Variants in CLPTM1 observed in about 807,000 individuals in gnomAD.
CLPTM1 encodes the protein putative lipid scramblase CLPTM1.
In CLPTM1, 21 loss-of-function variants were observed where a neutral mutation model predicts 77.3. The ratio of observed to expected loss-of-function variants is 0.27; its 90% CI spans 0.19 to 0.39. The LOEUF (loss-of-function observed/expected upper bound fraction) is 0.39, where lower values mean the gene tolerates loss of function less well. CLPTM1 is among the 10% of genes least tolerant of loss of function. The pLI, the probability that CLPTM1 is intolerant of heterozygous loss-of-function variation, is 1.00. For missense variants in CLPTM1, 642 were observed against 921.2 expected (o/e 0.70, Z 3.92); for synonymous variants, 373 against 381.0 (o/e 0.98, Z 0.24).
intron 5 of CLPTM1, chr19:44,984,664 T>C (rs1317809024): frequency 6.5e-6 from 1 of 153,464 alleles, no homozygotes; most frequent in Non-Finnish European, 1.4e-5. Context: ...ATCAGTCACT[T>C]GTTTTTATTT....
In CLPTM1 at chr19:44,992,410, G is replaced by A. The variant is rs2075618; in HGVS notation, c.1723+10G>A. On this transcript the variant is annotated intron_variant, in intron 13 of 13. Coordinates refer to ENST00000337392, the MANE Select transcript of CLPTM1 (RefSeq NM_001294.4). This position sits in a 1 kb window ranked among gnomAD's most constrained non-coding sequence, Gnocchi z 7.7. ...GGCTGCCTGCGGGACGGTGAGGCCC[G>A]GTGGGCAGGTGGGAGCTCCCACCGG... 11 of 1,613,596 alleles carry A rather than the reference G, an allele frequency of 6.8e-6. No individual in the cohort carries two copies. Among genetic ancestry groups the A allele is most frequent in the South Asian group, 5.5e-5 (5 of 91,072 alleles).
At chr19:44,977,691 C>A (rs1970827572) in intron 5 of CLPTM1, among the ~76,000 whole-genome samples, 1 of 152,076 alleles carries the variant, frequency 6.6e-6, no homozygotes, top group African/African-American at 2.4e-5. Context: ...GGCTCAGGGA[C>A]CAGAGAGAAA....
intron 6 of CLPTM1, among the ~76,000 whole-genome samples, chr19:44,986,063 G>C (rs901168819): frequency 6.6e-6 from 1 of 152,164 alleles, no homozygotes; most frequent in Admixed American, 6.5e-5. Flanking sequence ...CTGCTGCCAG[G>C]GTTGTCAGGG....
In CLPTM1 at chr19:44,988,195, T is replaced by C. The variant is rs757699161; in HGVS notation, c.1132+22T>C. The C allele has an allele frequency of 7.1e-6, 11 of 1,557,078 alleles. No homozygotes were observed. In the South Asian group the frequency reaches 1.2e-4, roughly 17 times the overall value. ...AATGGTAGGAACAGGACCCCAGGGC[T>C]AGTGAGAGGCTGTGCAGGGTGGGGG... On this transcript the variant is annotated intron_variant, in intron 9 of 13. Coordinates refer to ENST00000337392, the MANE Select transcript of CLPTM1 (RefSeq NM_001294.4).
chr19:44,968,024 CT>C (rs1254637060), intron 2 of CLPTM1, among the ~76,000 whole-genome samples: 1 of 152,168 alleles, frequency 6.6e-6, no homozygotes, highest in Non-Finnish European at 1.5e-5. Flanking sequence ...AAGAGGTAGC[CT>C]GTTTTACACA....
At chr19:44,975,414 G>A (rs977506523) in intron 4 of CLPTM1, among the ~76,000 whole-genome samples, 1 of 152,194 alleles carries the variant, frequency 6.6e-6, no homozygotes, top group African/African-American at 2.4e-5. Context: ...CTCTCTTTGG[G>A]GCCTTCTTCG....
intron 1 of CLPTM1, among the ~76,000 whole-genome samples, chr19:44,958,216 G>A (rs947834473): frequency 1.3e-5 from 2 of 152,068 alleles, no homozygotes; most frequent in African/African-American, 2.4e-5. Flanking sequence ...CAGCCAGTGC[G>A]AAGGCCCTAA....
At chr19:44,955,561 C>T (rs1210379940) in intron 1 of CLPTM1, 94 bp downstream of exon 1, 1 of 1,054,520 alleles carries the variant, frequency 9.5e-7, no homozygotes, top group Admixed American at 4.9e-5. Context: ...ATCCCGTGCA[C>T]TGGGGGCTCC....
intron 4 of CLPTM1, among the ~76,000 whole-genome samples, chr19:44,975,280 G>A (rs1187649388): frequency 6.6e-6 from 1 of 152,224 alleles, no homozygotes; most frequent in Non-Finnish European, 1.5e-5. Context: ...TGGGACTCCT[G>A]TATGGGACTG....
rs750143461 is a variant in CLPTM1, at chr19:44,992,692, GAGAAGACCCCAC to G, written c.1808_1819del (p.Glu603_Thr606del). 25 of 1,613,808 alleles carry G rather than the reference GAGAAGACCCCAC, an allele frequency of 1.5e-5. No homozygotes were observed. Among genetic ancestry groups the G allele is most frequent in the Non-Finnish European group, 1.9e-5 (23 of 1,179,932 alleles). ...CGAGTCAACGAGTTTGGCATGAGTG[GAGAAGACCCCAC>G]AGCTGCCGCCCCCGTGGCCGAGGTT... On this transcript the variant is annotated inframe_deletion, in exon 14 of 14. Coordinates refer to ENST00000337392, the MANE Select transcript of CLPTM1 (RefSeq NM_001294.4). This position sits in a 1 kb window ranked among gnomAD's most constrained non-coding sequence, Gnocchi z 7.7.
chr19:44,972,411 C>T (rs1452399418), intron 2 of CLPTM1, among the ~76,000 whole-genome samples: 1 of 151,690 alleles, frequency 6.6e-6, no homozygotes, highest in East Asian at 1.9e-4. Flanking sequence ...CCATGCCCAG[C>T]TAATTTTTTT....
Position 44,991,151 on chromosome 19 carries a change from G to C in CLPTM1, c.1420-87G>C. ...GAAATTCCCCCTGCCCGGCCTGCCAGACCAGGTGTGGTGGGTGAGGGCGGG... is the reference window on the plus strand; with the variant it reads ...GAAATTCCCCCTGCCCGGCCTGCCACACCAGGTGTGGTGGGTGAGGGCGGG... On this transcript the variant is annotated intron_variant, in intron 11 of 13. Transcript: ENST00000337392. This position sits in a 1 kb window ranked among gnomAD's most constrained non-coding sequence, Gnocchi z 5.4. The C allele has an allele frequency of 6.3e-7, 1 of 1,587,618 alleles. No individual in the cohort carries two copies. Among genetic ancestry groups the C allele is most frequent in the Admixed American group, 1.7e-5 (1 of 59,058 alleles).
chr19:44,962,011 C>T lies in CLPTM1; in HGVS notation c.121C>T (p.Pro41Ser). ...GAGGGACCCGCCAGCGGAGACCCAGCCTCAGAACCCACCGGCCCAGCCGGC... is the reference window on the plus strand; with the variant it reads ...GAGGGACCCGCCAGCGGAGACCCAGTCTCAGAACCCACCGGCCCAGCCGGC... ...IGRDPPAETQ[P>S]QNPPAQPAPN... Residue 41 changes from proline to serine, a missense_variant, in exon 2 of 14, where the codon CCT (proline) becomes TCT (serine). By Grantham distance (74) the Pro-to-Ser change is moderately conservative. Coordinates refer to ENST00000337392, the MANE Select transcript of CLPTM1 (RefSeq NM_001294.4). The T allele has an allele frequency of 6.2e-7, 1 of 1,611,256 alleles. No homozygotes were observed. Among genetic ancestry groups the T allele is most frequent in the Non-Finnish European group, 8.5e-7 (1 of 1,179,166 alleles).
At position 44,962,087 on chromosome 19, in the gene CLPTM1, G is replaced by T; in HGVS notation, c.185+12G>T. The T allele has an allele frequency of 6.6e-7, 1 of 1,521,788 alleles. No individual in the cohort carries two copies. The highest frequency in any genetic ancestry group is 1.2e-5 in the South Asian group (1 of 82,604). 94.3% of individuals were successfully genotyped at this position (1,521,788 alleles called of 1,614,324 possible). A position where few individuals can be genotyped will look rare whatever the true frequency, so the allele number is the denominator to read the frequency against. On this transcript the variant is annotated intron_variant, in intron 2 of 13. Transcript: ENST00000337392. ...GGTGTGCTGTTTAGGTGAGCAGACG[G>T]GACTTGGGTTTGTTCACCGAAAACA...
chr19:44,988,120 C>A lies in CLPTM1; in HGVS notation c.1079C>A (p.Thr360Asn). ...ACCAACCCCTACCTGCTGGCGCTCA[C>A]CATCATCGTGTCTATCGTTCACAGT... ...LETNPYLLALTIIVSIVHSVF... is the reference protein window; with the variant it reads ...LETNPYLLALNIIVSIVHSVF... Residue 360 changes from threonine to asparagine, a missense_variant, in exon 9 of 14, where the codon ACC (threonine) becomes AAC (asparagine). Physicochemically the swap from Thr to Asn is moderately conservative, Grantham distance 65. Around this residue, in one of 2 missense-constraint regions of CLPTM1, gnomAD observed 521 missense variants for 800.4 expected, o/e 0.65. Transcript: ENST00000337392. The A allele has an allele frequency of 6.2e-7, 1 of 1,614,156 alleles. No individual in the cohort carries two copies. The highest frequency in any genetic ancestry group is 8.5e-7 in the Non-Finnish European group (1 of 1,179,992).
Position 44,973,180 on chromosome 19 carries a change from C to T in CLPTM1, c.279C>T (p.Ser93=). Residue 93 remains serine, a synonymous_variant, in exon 3 of 14, where the codon AGC becomes AGT. Coordinates refer to ENST00000337392, the MANE Select transcript of CLPTM1 (RefSeq NM_001294.4). Reference sequence around the variant, plus strand: ...CCGGAGGAGCTCCACGCGTCGCCAGCCGCAACCTGTTCCCCAAAGACACTT... The same window carrying T: ...CCGGAGGAGCTCCACGCGTCGCCAGTCGCAACCTGTTCCCCAAAGACACTT... ...AGPGGAPRVA[S]RNLFPKDTLM... 6.2e-7 allele frequency: 1 copy of T among 1,614,058 alleles called. No individual in the cohort carries two copies. Among genetic ancestry groups the T allele is most frequent in the Non-Finnish European group, 8.5e-7 (1 of 1,179,946 alleles).
intron 1 of CLPTM1, among the ~76,000 whole-genome samples, chr19:44,959,881 A>G (rs977129166): frequency 6.6e-6 from 1 of 152,074 alleles, no homozygotes; most frequent in African/African-American, 2.4e-5. Flanking sequence ...GTGACACCTC[A>G]TTGTGGTTTT....
At chr19:44,983,619 A>C in intron 5 of CLPTM1, among the ~76,000 whole-genome samples, 1 of 30,798 alleles carries the variant, frequency 3.2e-5, no homozygotes, top group African/African-American at 7.4e-5. Flanking sequence ...CTCTGTCTCA[A>C]AAAAAAAAAA....
intron 8 of CLPTM1, 154 bp from the exon 9 acceptor site, chr19:44,987,926 C>A: frequency 1.5e-6 from 1 of 673,906 alleles, no homozygotes; most frequent in Non-Finnish European, 2.7e-6. Flanking sequence ...ACCCTCCTCT[C>A]TCTCCCCATC....
Sources: allele counts gnomAD v4.1 joint callset (sites outside exome capture counted in the v4.1 genomes callset), GRCh38; gene constraint gnomAD v4.1.1; regional missense constraint gnomAD v4.1.1; non-coding constraint Gnocchi (gnomAD v3.1); transcripts MANE v1.5; gene names NCBI Gene and HGNC (gene_info 2026-07-23, HGNC 2026-07-21).